ADAM18: variants seen among roughly 807,000 people sequenced by gnomAD.
ADAM18 encodes the protein disintegrin and metalloproteinase domain-containing protein 18.
ADAM18 carries 117 observed loss-of-function variants against 94.4 expected under a neutral mutation model. The ratio of observed to expected loss-of-function variants is 1.24; its 90% confidence interval spans 1.07 to 1.45. ADAM18 has a LOEUF of 1.45. Among genes scored for constraint, ADAM18 ranks in the 40% most tolerant of loss-of-function variants. The pLI is 0.00. For missense variants in ADAM18, 936 were observed against 880.0 expected (o/e 1.06, Z -0.81); for synonymous variants, 327 against 291.6 (o/e 1.12, Z -1.24).
chr8:39,624,539 G>C lies in ADAM18; in HGVS notation c.523-4835G>C, dbSNP rs1585910818. On this transcript the variant is annotated intron_variant, in intron 6 of 19. Coordinates refer to ENST00000265707, the MANE Select transcript of ADAM18 (RefSeq NM_014237.3). ...TTTTATACCAGTACAATGCTATTTT[G>C]GTTAGTAAAGTTTGTAGTGTGGTTT... Among the ~76,000 whole-genome samples, 2 of 152,134 alleles carry C rather than the reference G, an allele frequency of 1.3e-5. 1 individual carries two copies. Among genetic ancestry groups the C allele is most frequent in the East Asian group, 3.8e-4 (2 of 5,198 alleles).
intron 17 of ADAM18, 99 bp from the exon 18 acceptor site, chr8:39,706,691 T>C (rs1042354706): frequency 1.8e-6 from 1 of 547,946 alleles, no homozygotes; most frequent in Non-Finnish European, 3.2e-6. Context: ...AAAAAATAAT[T>C]ATTCTATGAA....
At chr8:39,722,458 G>C (rs1822787385) in intron 18 of ADAM18, among the ~76,000 whole-genome samples, 1 of 151,112 alleles carries the variant, frequency 6.6e-6, no homozygotes, top group African/African-American at 2.4e-5. Context: ...TCACTTATAA[G>C]TGGGAGCTAA....
intron 12 of ADAM18, among the ~76,000 whole-genome samples, chr8:39,654,136 A>AGGTATCTTTTGAGTATACTAATTTCCT (rs1563292573): frequency 1.4e-5 from 2 of 147,478 alleles, no homozygotes; most frequent in African/African-American, 5.1e-5. Flanking sequence ...TGTTGCTGCC[A>AGGTATCTTTTGAGTATACTAATTTCCT]CTGACAGGAT....
intron 6 of ADAM18, among the ~76,000 whole-genome samples, chr8:39,618,443 A>G (rs1819512845): frequency 6.6e-6 from 1 of 152,234 alleles, no homozygotes; most frequent in Non-Finnish European, 1.5e-5. Context: ...TACAGTATAC[A>G]GAGATAAGAA....
At chr8:39,590,508 C>T (rs928140218) in intron 2 of ADAM18, among the ~76,000 whole-genome samples, 11 of 152,108 alleles carry the variant, frequency 7.2e-5, no homozygotes, top group South Asian at 4.2e-4. Context: ...GTGGGTGCAG[C>T]GCACCAGCAT....
At chr8:39,689,120 A>G (rs1821696231) in intron 16 of ADAM18, among the ~76,000 whole-genome samples, 1 of 151,876 alleles carries the variant, frequency 6.6e-6, no homozygotes, top group African/African-American at 2.4e-5. Context: ...TTTGTCATAT[A>G]CATAGTTTGC....
intron 17 of ADAM18, among the ~76,000 whole-genome samples, chr8:39,703,716 C>A (rs144037453): frequency 3.3e-5 from 5 of 152,016 alleles, no homozygotes; most frequent in African/African-American, 1.2e-4. Flanking sequence ...TATCAGAAGT[C>A]TTTTCTGAAG....
At chr8:39,683,093 A>G (rs1342608719) in intron 16 of ADAM18, among the ~76,000 whole-genome samples, 1 of 152,202 alleles carries the variant, frequency 6.6e-6, no homozygotes, top group East Asian at 1.9e-4. Flanking sequence ...AGGATATAAC[A>G]GACAGTATTT....
chr8:39,593,554 A>G (rs1164320467), intron 2 of ADAM18, among the ~76,000 whole-genome samples: 2 of 152,178 alleles, frequency 1.3e-5, no homozygotes, highest in Admixed American at 1.3e-4. Context: ...AGACATGTAG[A>G]CCAATAGAAG....
At chr8:39,640,607 G>A (rs978530884) in intron 10 of ADAM18, among the ~76,000 whole-genome samples, 1 of 152,112 alleles carries the variant, frequency 6.6e-6, no homozygotes, top group Non-Finnish European at 1.5e-5. Flanking sequence ...TTGCCACACT[G>A]TGTTCCACAA....
chr8:39,690,252 G>A (rs1821734881), intron 16 of ADAM18, among the ~76,000 whole-genome samples: 1 of 152,084 alleles, frequency 6.6e-6, no homozygotes, highest in African/African-American at 2.4e-5. Flanking sequence ...GTGCCACTAG[G>A]GCAGAGGCAC....
chr8:39,647,374 G>T (rs945909568), intron 11 of ADAM18, among the ~76,000 whole-genome samples: 4 of 152,140 alleles, frequency 2.6e-5, no homozygotes, highest in Non-Finnish European at 5.9e-5. Context: ...GAATAACAAG[G>T]CAGCATAGCT....
chr8:39,712,770 C>T (rs910931246), intron 18 of ADAM18, among the ~76,000 whole-genome samples: 1 of 152,066 alleles, frequency 6.6e-6, no homozygotes, highest in Non-Finnish European at 1.5e-5. Context: ...CTACAAACCA[C>T]TGCTCAATAA....
intron 15 of ADAM18, among the ~76,000 whole-genome samples, chr8:39,678,846 C>T (rs374096057): frequency 1.1e-4 from 16 of 152,050 alleles, no homozygotes; most frequent in Non-Finnish European, 1.9e-4. Context: ...TAGCATACAT[C>T]GTCTGATCTA....
At chr8:39,634,489 G>A (rs1279890949) in intron 7 of ADAM18, among the ~76,000 whole-genome samples, 1 of 152,168 alleles carries the variant, frequency 6.6e-6, no homozygotes, top group Non-Finnish European at 1.5e-5. Flanking sequence ...TTAGGGTGGT[G>A]CCACTCAAAG....
chr8:39,599,176 A>C (rs1340638117), intron 2 of ADAM18, among the ~76,000 whole-genome samples: 1 of 152,194 alleles, frequency 6.6e-6, no homozygotes, highest in African/African-American at 2.4e-5. Context: ...TCCTTTAGAC[A>C]ATGTGATGAT....
intron 6 of ADAM18, among the ~76,000 whole-genome samples, chr8:39,617,891 G>A (rs1819491856): frequency 6.6e-6 from 1 of 152,042 alleles, no homozygotes; most frequent in South Asian, 2.1e-4. Context: ...CTCATTACCT[G>A]GGTGACACAT....
intron 12 of ADAM18, among the ~76,000 whole-genome samples, chr8:39,659,866 G>A (rs185778192): frequency 2.4e-4 from 36 of 152,018 alleles, no homozygotes; most frequent in South Asian, 1.0e-3. Context: ...GAAAATAAAC[G>A]TGTATTCCCA....
intron 16 of ADAM18, among the ~76,000 whole-genome samples, chr8:39,689,044 C>G (rs937528576): frequency 3.3e-5 from 5 of 151,856 alleles, no homozygotes; most frequent in South Asian, 4.2e-4. Context: ...TCTTTGGCCA[C>G]TTTTTAATGG....
Sources: gnomAD v4.1 joint callset for allele counts (sites outside exome capture counted in the v4.1 genomes callset) on GRCh38, gnomAD v4.1.1 for gene constraint, MANE v1.5 for transcripts, NCBI Gene and HGNC (gene_info 2026-07-23, HGNC 2026-07-21) for gene names.